CYP3A43: variants seen among roughly 807,000 people sequenced by gnomAD.
The protein encoded by CYP3A43 is cytochrome P450 family 3 subfamily A member 43.
In CYP3A43, 45 loss-of-function variants were observed where a neutral mutation model predicts 58.0. That is an observed-to-expected ratio of 0.78 (90% CI 0.61 to 0.99). CYP3A43 has a LOEUF of 0.99. Among genes scored for constraint, CYP3A43 ranks in the 50% least tolerant of loss-of-function variants. The probability of loss-of-function intolerance (pLI) is 0.00; values close to 1 mark genes in which losing one functional copy is unlikely to be tolerated. For synonymous variants in CYP3A43, 191 were observed against 201.4 expected (o/e 0.95, Z 0.44); for missense variants, 593 against 591.9 (o/e 1.00, Z -0.02).
chr7:99,857,148 A>G (rs1818013803), intron 9 of CYP3A43, among the ~76,000 whole-genome samples: 1 of 152,158 alleles, frequency 6.6e-6, no homozygotes, highest in South Asian at 2.1e-4. Context: ...TGATCTGTGG[A>G]TCACCCACAT....
At chr7:99,828,933 T>C (rs747259075) in intron 1 of CYP3A43, among the ~76,000 whole-genome samples, 36 of 152,242 alleles carry the variant, frequency 2.4e-4, no homozygotes, top group Admixed American at 5.9e-4. Flanking sequence ...ACTTATTCTT[T>C]GGAGCACTGC....
At chr7:99,838,512 G>T (rs1817183216) in intron 2 of CYP3A43, among the ~76,000 whole-genome samples, 1 of 152,206 alleles carries the variant, frequency 6.6e-6, no homozygotes, top group Non-Finnish European at 1.5e-5. Context: ...AGATTGCAGA[G>T]ACAACATATG....
intron 1 of CYP3A43, among the ~76,000 whole-genome samples, chr7:99,835,970 G>T (rs1817058440): frequency 6.6e-6 from 1 of 152,142 alleles, no homozygotes; most frequent in African/African-American, 2.4e-5. Context: ...TCCAGAGATG[G>T]TACTCTTAGC....
At chr7:99,843,147 G>A (rs1222946626) in intron 3 of CYP3A43, among the ~76,000 whole-genome samples, 1 of 152,044 alleles carries the variant, frequency 6.6e-6, no homozygotes, top group Non-Finnish European at 1.5e-5. Flanking sequence ...CTTTTCACAT[G>A]CAAAATGCAG....
In CYP3A43 at chr7:99,834,748, C is replaced by T. The variant is rs185242013; in HGVS notation, c.72-1705C>T. Among the ~76,000 whole-genome samples, 242 of 152,280 alleles carry T rather than the reference C, an allele frequency of 1.6e-3. 1 individual carries two copies. The highest frequency in any genetic ancestry group is 5.4e-3 in the African/African-American group (224 of 41,562). ...TAGGCAGATTGTTTCTCCTACTGCC[C>T]CTGTGAAAGCCTTTCCTCATTGGGC... On this transcript the variant is annotated intron_variant, in intron 1 of 12. Coordinates refer to ENST00000354829, the MANE Select transcript of CYP3A43 (RefSeq NM_057095.3).
intron 3 of CYP3A43, among the ~76,000 whole-genome samples, chr7:99,840,335 G>A (rs548870735): frequency 1.2e-4 from 19 of 152,286 alleles, no homozygotes; most frequent in Admixed American, 1.1e-3. Flanking sequence ...CTGTCATTGA[G>A]TTCTGTTGAC....
intron 4 of CYP3A43, among the ~76,000 whole-genome samples, chr7:99,845,805 T>C (rs1050651166): frequency 4.0e-5 from 6 of 151,720 alleles, no homozygotes; most frequent in Non-Finnish European, 8.8e-5. Flanking sequence ...TAAGACGGTC[T>C]CGCTCTGTAG....
At chr7:99,846,516 A>T (rs1398617095) in intron 4 of CYP3A43, among the ~76,000 whole-genome samples, 1 of 152,136 alleles carries the variant, frequency 6.6e-6, no homozygotes, top group Non-Finnish European at 1.5e-5. Context: ...ATTGACATTT[A>T]TGTCACCCGA....
At chr7:99,863,801 T>A (rs777582569) in intron 12 of CYP3A43, 102 bp downstream of exon 12, 1 of 978,826 alleles carries the variant, frequency 1.0e-6, no homozygotes, top group Non-Finnish European at 1.4e-6. Context: ...ATTTGCTCTG[T>A]AGGACAAAGA....
chr7:99,832,562 G>A, intron 1 of CYP3A43, among the ~76,000 whole-genome samples: 5 of 115,632 alleles, frequency 4.3e-5, no homozygotes, highest in Admixed American at 9.6e-5. Flanking sequence ...AGGGGGGAGG[G>A]ATAGCATTAG....
chr7:99,845,713 AC>A (rs1817518719), intron 4 of CYP3A43, among the ~76,000 whole-genome samples: 1 of 151,988 alleles, frequency 6.6e-6, no homozygotes, highest in African/African-American at 2.4e-5. Flanking sequence ...TAGTAGCTGT[AC>A]GGTAACTATT....
chr7:99,848,531 AG>A (rs1817625634), intron 6 of CYP3A43, among the ~76,000 whole-genome samples: 1 of 152,218 alleles, frequency 6.6e-6, no homozygotes, highest in Admixed American at 6.5e-5. Flanking sequence ...TTGTGTAGAA[AG>A]AAAAAATAAA....
Position 99,861,720 on chromosome 7 carries a change from G to C in CYP3A43, c.1134G>C (p.Lys378Asn), listed in dbSNP as rs545846456. Residue 378 changes from lysine to asparagine, a missense_variant, in exon 11 of 13, where the codon AAG (lysine) becomes AAC (asparagine). Transcript: ENST00000354829. ...PVVSRVTRVC[K>N]KDIEINGVFI... ...TTAGTAGAGTTACGAGAGTCTGCAA[G>C]AAAGATATTGAAATCAATGGAGTGT... 1.2e-6 allele frequency: 2 copies of C among 1,614,174 alleles called. No homozygotes were observed. The highest frequency in any genetic ancestry group is 2.2e-5 in the South Asian group (2 of 91,078).
intron 10 of CYP3A43, among the ~76,000 whole-genome samples, chr7:99,860,851 G>T (rs570170695): frequency 9.3e-4 from 141 of 151,726 alleles, no homozygotes; most frequent in African/African-American, 3.3e-3. Context: ...CTATTTATAG[G>T]GTTTTTATAT....
Position 99,855,697 on chromosome 7 carries a change from T to C in CYP3A43, c.777T>C (p.Ser259=), listed in dbSNP as rs1369963474. 1.2e-6 allele frequency: 2 copies of C among 1,611,196 alleles called. No homozygotes were observed. Among genetic ancestry groups the C allele is most frequent in the African/African-American group, 1.3e-5 (1 of 74,954 alleles). ...LKNSIERMKE[S]RLKDKQKHRV... ...ATTCCATTGAAAGGATGAAAGAAAG[T>C]CGCCTCAAAGATAAACAAAAGGTAA... The change falls in exon 8 of 13, where the codon AGT becomes AGC. Residue 259 remains serine, a synonymous_variant. Coordinates refer to ENST00000354829, the MANE Select transcript of CYP3A43 (RefSeq NM_057095.3).
chr7:99,848,350 C>T (rs1229504309), intron 6 of CYP3A43, 96 bp downstream of exon 6: 7 of 1,313,152 alleles, frequency 5.3e-6, no homozygotes, highest in Admixed American at 2.0e-5. Flanking sequence ...CTCCAGTGAT[C>T]GGACAAAAGC....
At chr7:99,836,338 T>TG (rs2151592256) in intron 1 of CYP3A43, 115 bp from the exon 2 acceptor site, 1 of 735,826 alleles carries the variant, frequency 1.4e-6, no homozygotes, top group Admixed American at 2.6e-5. Context: ...TGTTATTTAT[T>TG]GCCTCCATGT....
rs1030010228 is a variant in CYP3A43, at chr7:99,859,863, T to C, written c.899T>C (p.Ile300Thr). 2.5e-6 allele frequency: 4 copies of C among 1,614,078 alleles called. No individual in the cohort carries two copies. The highest frequency in any genetic ancestry group is 3.3e-5 in the Admixed American group (2 of 60,006). Residue 300 changes from isoleucine to threonine, a missense_variant, in exon 10 of 13, where the codon ATT becomes ACT. By Grantham distance (89) the Ile-to-Thr change is moderately conservative (BLOSUM62 -1). Transcript: ENST00000354829. ...GATCTGGAGCTTGTGGCCCAGTCAA[T>C]TATCATCATTTTTGCTGCCTATGAC... ...LSDLELVAQS[I>T]IIIFAAYDTT...
intron 3 of CYP3A43, among the ~76,000 whole-genome samples, chr7:99,842,204 C>A (rs1408229565): frequency 6.6e-6 from 1 of 152,142 alleles, no homozygotes; most frequent in Non-Finnish European, 1.5e-5. Flanking sequence ...TGTTAATTTA[C>A]AATCTCCCTA....
Sources: allele counts gnomAD v4.1 joint callset (sites outside exome capture counted in the v4.1 genomes callset), GRCh38; gene constraint gnomAD v4.1.1; transcripts MANE v1.5; gene names NCBI Gene and HGNC (gene_info 2026-07-23, HGNC 2026-07-21).